SH3BP5L: variants seen among roughly 807,000 people sequenced by gnomAD.
SH3BP5L encodes SH3 domain-binding protein 5-like.
SH3BP5L carries 16 observed loss-of-function variants against 40.9 expected under a neutral mutation model. The ratio of observed to expected loss-of-function variants is 0.39; its 90% CI spans 0.27 to 0.59. The LOEUF is 0.59. Among genes scored for constraint, SH3BP5L ranks in the 20% least tolerant of loss-of-function variants. The probability of loss-of-function intolerance (pLI) is 0.53; values close to 1 mark genes in which losing one functional copy is unlikely to be tolerated. For missense variants in SH3BP5L, 471 were observed against 544.6 expected, an observed-to-expected ratio of 0.86 and a Z score of 1.35; for synonymous variants, 229 against 226.7, an observed-to-expected ratio of 1.01 and a Z score of -0.09.
At chr1:248,814,052 T>C (rs1664031818) in intron 5 of SH3BP5L, 1 of 204,342 alleles carries the variant, frequency 4.9e-6, no homozygotes, top group Admixed American at 5.4e-5. Context: ...GATACATAAA[T>C]TATACTTCAA....
chr1:248,813,166 G>A lies in SH3BP5L; in HGVS notation c.538-4C>T. On this transcript the variant is annotated splice_region_variant and splice_polypyrimidine_tract_variant and intron_variant, in intron 5 of 6. Transcript: ENST00000366472. ...GCTCTTCCTCCGCCTCATTCACCTG[G>A]CCCAGAGGACACATCACTGAGCCAG... is the stretch of plus-strand genomic sequence containing the variant. 1 of 1,563,984 alleles carries A rather than the reference G, an allele frequency of 6.4e-7. No homozygotes were observed. The highest frequency in any genetic ancestry group is 8.7e-7 in the Non-Finnish European group (1 of 1,153,414).
chr1:248,823,236 CAG>C (rs999018216), intron 2 of SH3BP5L, among the ~76,000 whole-genome samples: 43 of 152,140 alleles, frequency 2.8e-4, no homozygotes, highest in African/African-American at 1.0e-3. Flanking sequence ...CCACAAGCAA[CAG>C]AGAGACAGCT....
At position 248,812,767 on chromosome 1, in the gene SH3BP5L, C is replaced by T. The variant is rs1253865549; in HGVS notation, c.711+222G>A. On this transcript the variant is annotated intron_variant, in intron 6 of 6. Transcript: ENST00000366472. The surrounding 1 kb of genome is among the most constrained non-coding windows in gnomAD (Gnocchi z 6.1). ...TTCCTCTTGTTTACCTCCCTTCTTC[C>T]AACTACGTTCTCGCCGTCACCAGCC... Among the ~76,000 whole-genome samples the T allele has an allele frequency of 1.3e-5, 2 of 152,194 alleles. No individual in the cohort carries two copies. Among genetic ancestry groups the T allele is most frequent in the African/African-American group, 2.4e-5 (1 of 41,440 alleles).
chr1:248,823,663 T>C (rs1360674684), intron 2 of SH3BP5L, among the ~76,000 whole-genome samples: 2 of 149,362 alleles, frequency 1.3e-5, no homozygotes, highest in Non-Finnish European at 3.0e-5. Flanking sequence ...CACACACATA[T>C]CCCAGGAACC....
chr1:248,817,960 A>G (rs1324841955), intron 2 of SH3BP5L, among the ~76,000 whole-genome samples: 1 of 152,228 alleles, frequency 6.6e-6, no homozygotes, highest in Non-Finnish European at 1.5e-5. Context: ...CTACAGCACT[A>G]TGGGAGGTAG....
rs34840808 is a variant in SH3BP5L at position 248,819,702 on chromosome 1, C to CAA, written c.184-2820_184-2819dup. Among the ~76,000 whole-genome samples the CAA allele has an allele frequency of 9.4e-3, 683 of 72,672 alleles. 12 individuals are homozygous for CAA. Among genetic ancestry groups the CAA allele is most frequent in the African/African-American group, 0.03 (636 of 21,186 alleles). The allele number at this position is 72,672 out of a possible 152,430, so 47.7% of individuals were successfully genotyped here. ...TGGGTGAAGGAGCAAGACTCAGTCTCAAAAAAAAAAAAAAAAAAAAAAAAT... is the reference window on the plus strand; with the variant it reads ...TGGGTGAAGGAGCAAGACTCAGTCTCAAAAAAAAAAAAAAAAAAAAAAAAAAT... On this transcript the variant is annotated intron_variant, in intron 2 of 6. Transcript: ENST00000366472.
chr1:248,813,938 C>G (rs1375181497), intron 5 of SH3BP5L: 1 of 173,018 alleles, frequency 5.8e-6, no homozygotes, highest in Non-Finnish European at 1.2e-5. Flanking sequence ...CCACAAACAC[C>G]CCCTCGAGTT....
intron 2 of SH3BP5L, among the ~76,000 whole-genome samples, chr1:248,819,290 C>A (rs1048845318): frequency 6.6e-6 from 1 of 151,948 alleles, no homozygotes; most frequent in Non-Finnish European, 1.5e-5. Context: ...ACAAATCTGG[C>A]TCTAAACTAG....
In SH3BP5L at chr1:248,812,099, G is replaced by C; in HGVS notation, c.983C>G (p.Pro328Arg). The C allele has an allele frequency of 6.2e-7, 1 of 1,611,568 alleles. No homozygotes were observed. The change falls in exon 7 of 7, where the codon CCC becomes CGC. Residue 328 changes from proline to arginine, a missense_variant. Pro to Arg is a moderately radical substitution (Grantham distance 103). This residue lies in a region of SH3BP5L where 196 missense variants were observed against 174.6 expected (regional missense o/e 1.12). Transcript: ENST00000366472. The surrounding 1 kb of genome is among the most constrained non-coding windows in gnomAD (Gnocchi z 6.1). ...CAGCAGACTCAGGGTATCGGTGTCGGGGGCGGGGCCGGGCCCCAGGCTGCT... is the reference window on the plus strand; with the variant it reads ...CAGCAGACTCAGGGTATCGGTGTCGCGGGCGGGGCCGGGCCCCAGGCTGCT... The part of the protein sequence containing the change: ...EGSSLGPGPA[P>R]DTDTLSLLSL...
chr1:248,811,951 G>C lies in SH3BP5L; in HGVS notation c.1131C>G (p.Gly377=). The part of the protein sequence containing the change: ...ELGTRSGGRR[G]SDGGARGGRH... ...GACCCCCACGGGCTCCGCCGTCGCT[G>C]CCCCGGCGCCCTCCACTCCGCGTTC... is the stretch of plus-strand genomic sequence containing the variant. Residue 377 remains glycine, a synonymous_variant, in exon 7 of 7, where the codon GGC becomes GGG. Transcript: ENST00000366472. The C allele has an allele frequency of 6.4e-7, 1 of 1,568,410 alleles. No individual in the cohort carries two copies.
chr1:248,825,018 C>G lies in SH3BP5L; in HGVS notation c.-83G>C. The G allele has an allele frequency of 6.6e-7, 1 of 1,504,316 alleles. No individual in the cohort carries two copies. The highest frequency in any genetic ancestry group is 8.8e-7 in the Non-Finnish European group (1 of 1,133,020). 93.2% of individuals were successfully genotyped at this position (1,504,316 alleles called of 1,614,324 possible). On this transcript the variant is annotated 5_prime_UTR_variant, in exon 2 of 7. Coordinates refer to ENST00000366472, the MANE Select transcript of SH3BP5L (RefSeq NM_030645.3). ...GGGCCCCAGCTTGGGGCTTCCTGGG[C>G]TCTAGATGGCCAGGAGAAGAGTTTC...
rs1663884731 is a variant in SH3BP5L at position 248,810,771 on chromosome 1, G to T, written c.*1129C>A. On this transcript the variant is annotated 3_prime_UTR_variant, in exon 7 of 7. Coordinates refer to ENST00000366472, the MANE Select transcript of SH3BP5L (RefSeq NM_030645.3). ...GGTGTGGCTTCCCTACAAACTGGGA[G>T]CACTGCCAGGCAGCTGGAGCTGCTC... is the stretch of plus-strand genomic sequence containing the variant. 6.6e-6 allele frequency: 1 copy of T among 152,402 alleles called. No homozygotes were observed. 9.4% of individuals were successfully genotyped at this position (152,402 alleles called of 1,614,324 possible). A position where few individuals can be genotyped will look rare whatever the true frequency, so the allele number is the denominator to read the frequency against.
chr1:248,812,213 G>A lies in SH3BP5L; in HGVS notation c.869C>T (p.Ser290Phe), dbSNP rs1452490190. 3 of 1,604,500 alleles carry A rather than the reference G, an allele frequency of 1.9e-6. No individual in the cohort carries two copies. Among genetic ancestry groups the A allele is most frequent in the African/African-American group, 1.3e-5 (1 of 74,670 alleles). Reference protein sequence around the residue: ...PPHPLGPRRSSPVGAEAGPED... With the variant: ...PPHPLGPRRSFPVGAEAGPED... ...GGGTCCTGCCTCGGCCCCCACGGGG[G>A]AGGAGCGCCGAGGGCCCAGGGGGTG... The change falls in exon 7 of 7, where the codon TCC becomes TTC. Residue 290 changes from serine to phenylalanine, a missense_variant. Ser to Phe is a radical substitution (Grantham distance 155). Coordinates refer to ENST00000366472, the MANE Select transcript of SH3BP5L (RefSeq NM_030645.3). This position sits in a 1 kb window ranked among gnomAD's most constrained non-coding sequence, Gnocchi z 6.1.
intron 2 of SH3BP5L, among the ~76,000 whole-genome samples, chr1:248,824,445 C>T (rs1288218835): frequency 1.3e-5 from 2 of 152,220 alleles, no homozygotes; most frequent in South Asian, 2.1e-4. Flanking sequence ...AACACACCTA[C>T]CCTCCACTGA....
intron 2 of SH3BP5L, among the ~76,000 whole-genome samples, chr1:248,820,172 T>C (rs1268392320): frequency 6.6e-6 from 1 of 152,142 alleles, no homozygotes; most frequent in African/African-American, 2.4e-5. Flanking sequence ...GGTAGATGCA[T>C]CTACAGTGTC....
In SH3BP5L at chr1:248,811,935, G is replaced by C; in HGVS notation, c.1147C>G (p.Arg383Gly). The C allele has an allele frequency of 6.4e-7, 1 of 1,552,340 alleles. No homozygotes were observed. The highest frequency in any genetic ancestry group is 1.2e-5 in the South Asian group (1 of 84,696). ...ACGCTGCGCTGGTGCCGACCCCCAC[G>C]GGCTCCGCCGTCGCTGCCCCGGCGC... ...GGRRGSDGGA[R>G]GGRHQRSVSL The change falls in exon 7 of 7, where the codon CGT (arginine) becomes GGT (glycine). Residue 383 changes from arginine (R) to glycine (G), a missense_variant. This residue lies in a region of SH3BP5L where 196 missense variants were observed against 174.6 expected (regional missense o/e 1.12). Coordinates refer to ENST00000366472, the MANE Select transcript of SH3BP5L (RefSeq NM_030645.3).
intron 3 of SH3BP5L, 60 bp from the exon 4 acceptor site, chr1:248,816,722 C>G: frequency 6.2e-7 from 1 of 1,612,824 alleles, no homozygotes; most frequent in South Asian, 1.1e-5. Context: ...TCTTGTTTCT[C>G]AGACACACCC....
At chr1:248,825,519 G>C (rs1664357930) in intron 1 of SH3BP5L, 153 bp from the exon 2 acceptor site, 1 of 367,424 alleles carries the variant, frequency 2.7e-6, no homozygotes. Context: ...TCTCTCCTTA[G>C]CCCTCAAGGA....
intron 2 of SH3BP5L, among the ~76,000 whole-genome samples, chr1:248,820,176 C>T (rs1353994375): frequency 6.6e-6 from 1 of 152,102 alleles, no homozygotes; most frequent in Non-Finnish European, 1.5e-5. Flanking sequence ...GATGCATCTA[C>T]AGTGTCCCAC....
Sources: allele counts gnomAD v4.1 joint callset (sites outside exome capture counted in the v4.1 genomes callset), GRCh38; gene constraint gnomAD v4.1.1; regional missense constraint gnomAD v4.1.1; non-coding constraint Gnocchi (gnomAD v3.1); transcripts MANE v1.5; gene names NCBI Gene and HGNC (gene_info 2026-07-23, HGNC 2026-07-21).